Variants in MAP2 observed in about 807,000 individuals in gnomAD.
MAP2 encodes the protein microtubule associated protein 2.
MAP2 carries 14 observed loss-of-function variants against 137.6 expected under a neutral mutation model. The ratio of observed to expected loss-of-function variants is 0.10; its 90% confidence interval spans 0.07 to 0.16. The LOEUF is 0.16. Among genes scored for constraint, MAP2 ranks in the 10% least tolerant of loss-of-function variants. MAP2 has a pLI of 1.00. For synonymous variants in MAP2, 786 were observed against 782.3 expected (o/e 1.00, Z -0.08); for missense variants, 2,088 against 2,191.5 (o/e 0.95, Z 0.94).
intron 3 of MAP2, among the ~76,000 whole-genome samples, chr2:209,623,098 T>G (rs2091589802): frequency 6.6e-6 from 1 of 152,186 alleles, no homozygotes; most frequent in South Asian, 2.1e-4. Context: ...ACCCAAATAA[T>G]GAACATGCTC....
chr2:209,593,786 ATTATATTATATAT>A (rs1579655552), intron 3 of MAP2, among the ~76,000 whole-genome samples: 2 of 82 alleles, frequency 0.024, no homozygotes, highest in East Asian at 0.5. Context: ...AATACATTAT[ATTATATTATATAT>A]AATATATAAT....
chr2:209,539,781 G>C (rs925638363), intron 2 of MAP2, among the ~76,000 whole-genome samples: 3 of 151,830 alleles, frequency 2.0e-5, no homozygotes, highest in Admixed American at 1.3e-4. Flanking sequence ...AGACTCATTT[G>C]TTTTTTGGCT....
chr2:209,717,638 G>A (rs377578170), intron 13 of MAP2, among the ~76,000 whole-genome samples: 3 of 152,112 alleles, frequency 2.0e-5, no homozygotes, highest in African/African-American at 7.2e-5. Context: ...TCTACTGGGT[G>A]CTATTAACAT....
At chr2:209,456,862 G>A (rs58692970) in intron 1 of MAP2, among the ~76,000 whole-genome samples, 4,932 of 152,182 alleles carry the variant, frequency 0.032, 297 homozygotes, top group African/African-American at 0.11. Flanking sequence ...TTGGGAGTTG[G>A]GATAAAGAAC....
At chr2:209,616,283 A>G (rs78980824) in intron 3 of MAP2, among the ~76,000 whole-genome samples, 1,552 of 152,306 alleles carry the variant, frequency 0.01, 25 homozygotes, top group African/African-American at 0.035. Flanking sequence ...GAAAAATCCT[A>G]CATCAATTTT....
At chr2:209,457,814 G>C (rs1212797363) in intron 1 of MAP2, among the ~76,000 whole-genome samples, 1 of 152,142 alleles carries the variant, frequency 6.6e-6, no homozygotes, top group Non-Finnish European at 1.5e-5. Flanking sequence ...AGATACCTGA[G>C]TTTCATTGCC....
intron 7 of MAP2, 50 bp downstream of exon 7, chr2:209,680,877 A>G: frequency 6.8e-7 from 1 of 1,465,196 alleles, no homozygotes. Flanking sequence ...AAGTGTGAAC[A>G]ATAAACTTCA....
Position 209,524,058 on chromosome 2 carries a change from A to G in MAP2, c.-172+16417A>G, listed in dbSNP as rs147601694. Among the ~76,000 whole-genome samples, 738 of 152,200 alleles carry G rather than the reference A, an allele frequency of 4.8e-3. 5 individuals are homozygous for G. The highest frequency in any genetic ancestry group is 0.017 in the African/African-American group (695 of 41,536). On this transcript the variant is annotated intron_variant, in intron 2 of 15. Coordinates refer to ENST00000682079, the MANE Select transcript of MAP2 (RefSeq NM_001375505.1). The stretch of plus-strand genomic sequence containing the variant: ...TTGAGCTTTTTTTTTTATTAAATGC[A>G]GCGAAACAATTTAGTGCATCAAAAA...
chr2:209,497,943 A>T (rs1318035381), intron 1 of MAP2, among the ~76,000 whole-genome samples: 1 of 152,160 alleles, frequency 6.6e-6, no homozygotes, highest in Admixed American at 6.5e-5. Context: ...TCCAAATTTC[A>T]TGTCCTTCTC....
intron 2 of MAP2, among the ~76,000 whole-genome samples, chr2:209,540,105 A>C: frequency 2.1e-5 from 3 of 141,322 alleles, no homozygotes; most frequent in East Asian, 3.9e-4. Context: ...TGTAAAAAAA[A>C]AAAAAAAAAA....
rs572004163 is a variant in MAP2 at position 209,499,801 on chromosome 2, C to T, written c.-221-7791C>T. Among the ~76,000 whole-genome samples the T allele has an allele frequency of 9.9e-5, 15 of 152,038 alleles. No individual in the cohort carries two copies. In the South Asian group the frequency reaches 2.3e-3, roughly 23 times the overall value. On this transcript the variant is annotated intron_variant, in intron 1 of 15. Coordinates refer to ENST00000682079, the MANE Select transcript of MAP2 (RefSeq NM_001375505.1). ...GGGAGGAAAAGGAGAGGGAGAATGC[C>T]GGGAGGAGGTGGCACACACTTTTAA... is the stretch of plus-strand genomic sequence containing the variant.
intron 1 of MAP2, among the ~76,000 whole-genome samples, chr2:209,494,548 G>A (rs762336911): frequency 3.9e-5 from 6 of 152,048 alleles, no homozygotes; most frequent in Non-Finnish European, 8.8e-5. Context: ...CAAATCCCAT[G>A]GCAATATCAT....
chr2:209,669,794 C>A (rs2048015835), intron 5 of MAP2, among the ~76,000 whole-genome samples: 1 of 151,490 alleles, frequency 6.6e-6, no homozygotes, highest in African/African-American at 2.4e-5. Context: ...CACACACGCA[C>A]ACACACACAC....
At chr2:209,432,122 T>C (rs1434048916) in intron 1 of MAP2, among the ~76,000 whole-genome samples, 4 of 152,148 alleles carry the variant, frequency 2.6e-5, no homozygotes, top group African/African-American at 9.7e-5. Flanking sequence ...CCAACAAAAA[T>C]AGGCAGGTTG....
intron 1 of MAP2, among the ~76,000 whole-genome samples, chr2:209,492,649 A>G (rs1372779553): frequency 6.6e-6 from 1 of 152,182 alleles, no homozygotes; most frequent in Non-Finnish European, 1.5e-5. Context: ...CCAATAATAG[A>G]CAGACACAGA....
chr2:209,481,344 G>C lies in MAP2; in HGVS notation c.-221-26248G>C, dbSNP rs567762463. ...TGCATTGATCCATCACTGGATGTGG[G>C]CTACCCAGGTAAAGGAAGGCAATCT... On this transcript the variant is annotated intron_variant, in intron 1 of 15. Transcript: ENST00000682079. 2.0e-5 allele frequency among the ~76,000 whole-genome samples: 3 copies of C among 152,336 alleles called. No individual in the cohort carries two copies. In the South Asian group the frequency reaches 6.2e-4, roughly 32 times the overall value.
intron 5 of MAP2, among the ~76,000 whole-genome samples, chr2:209,662,002 GTAGTCCAGTCTTAAGGTA>G (rs1440091498): frequency 2.0e-5 from 3 of 152,150 alleles, no homozygotes; most frequent in Non-Finnish European, 4.4e-5. Flanking sequence ...TCTTTGCTCT[GTAGTCCAGTCTTAAGGTA>G]GGATGAGATT....
Position 209,695,398 on chromosome 2 carries a change from G to A in MAP2, c.3228G>A (p.Gln1076=), listed in dbSNP as rs1451531834. The change falls in exon 8 of 16, where the codon CAG becomes CAA. Residue 1076 remains glutamine, a synonymous_variant. Transcript: ENST00000682079. The part of the protein sequence containing the change: ...RATELKLEAT[Q]DMTPSSKAPQ... ...CAGAGCTAAAACTTGAGGCTACACAGGACATGACCCCCTCATCCAAAGCAC... is the reference window on the plus strand; with the variant it reads ...CAGAGCTAAAACTTGAGGCTACACAAGACATGACCCCCTCATCCAAAGCAC... 2 of 1,613,100 alleles carry A rather than the reference G, an allele frequency of 1.2e-6. No homozygotes were observed. The highest frequency in any genetic ancestry group is 1.7e-6 in the Non-Finnish European group (2 of 1,179,640).
chr2:209,633,471 A>G (rs1318792758), intron 4 of MAP2, among the ~76,000 whole-genome samples: 1 of 152,202 alleles, frequency 6.6e-6, no homozygotes, highest in African/African-American at 2.4e-5. Flanking sequence ...TAAACAAAAC[A>G]ATACTTAATA....
Sources: allele counts gnomAD v4.1 joint callset (sites outside exome capture counted in the v4.1 genomes callset), GRCh38; gene constraint gnomAD v4.1.1; transcripts MANE v1.5; gene names NCBI Gene and HGNC (gene_info 2026-07-23, HGNC 2026-07-21).